The following MAD1L1 variants were observed in gnomAD, a reference collection of about 807,000 sequenced individuals.
MAD1L1 encodes the protein mitotic spindle assembly checkpoint protein MAD1.
MAD1L1 carries 95 observed loss-of-function variants against 96.9 expected under a neutral mutation model. That is an observed-to-expected ratio of 0.98 (90% CI 0.83 to 1.16). The LOEUF (loss-of-function observed/expected upper bound fraction) is 1.16, where lower values mean the gene tolerates loss of function less well. Among genes scored for constraint, MAD1L1 ranks in the 50% most tolerant of loss-of-function variants. The pLI, the probability that MAD1L1 is intolerant of heterozygous loss-of-function variation, is 0.00. For synonymous variants in MAD1L1, 473 were observed against 396.6 expected, an observed-to-expected ratio of 1.19 and a Z score of -2.29; for missense variants, 1,007 against 954.4, an observed-to-expected ratio of 1.06 and a Z score of -0.73.
At chr7:1,927,619 T>A (rs1377621418) in intron 17 of MAD1L1, among the ~76,000 whole-genome samples, 1 of 152,158 alleles carries the variant, frequency 6.6e-6, no homozygotes, top group Non-Finnish European at 1.5e-5. Flanking sequence ...AATGGCACAA[T>A]TGGACATCCA....
intron 17 of MAD1L1, among the ~76,000 whole-genome samples, chr7:1,924,361 C>G (rs986524967): frequency 2.6e-5 from 4 of 152,224 alleles, no homozygotes; most frequent in African/African-American, 9.6e-5. Flanking sequence ...TAAAACACCA[C>G]CACACTTGGA....
chr7:1,942,276 G>A (rs1200075686), intron 16 of MAD1L1, among the ~76,000 whole-genome samples: 2 of 152,180 alleles, frequency 1.3e-5, no homozygotes, highest in African/African-American at 4.8e-5. Context: ...GGCCCCTCCA[G>A]AAGGAGGCCA....
chr7:2,043,938 C>T (rs1282836859), intron 12 of MAD1L1, among the ~76,000 whole-genome samples: 2 of 152,204 alleles, frequency 1.3e-5, no homozygotes, highest in African/African-American at 2.4e-5. Context: ...GTGGCGGCCG[C>T]GGGCTCGGAC....
chr7:2,179,614 C>A (rs957358503), intron 10 of MAD1L1, among the ~76,000 whole-genome samples: 8 of 151,822 alleles, frequency 5.3e-5, no homozygotes, highest in African/African-American at 1.9e-4. Flanking sequence ...AAATACCATT[C>A]CCAAAGAAGA....
intron 18 of MAD1L1, among the ~76,000 whole-genome samples, chr7:1,856,965 A>AC (rs1411283960): frequency 1.3e-5 from 2 of 151,042 alleles, no homozygotes; most frequent in Non-Finnish European, 3.0e-5. Flanking sequence ...TGTTTCCTGG[A>AC]CCCCCCAGGA....
intron 18 of MAD1L1, among the ~76,000 whole-genome samples, chr7:1,817,295 A>T (rs1211316625): frequency 6.6e-6 from 1 of 152,146 alleles, no homozygotes; most frequent in Non-Finnish European, 1.5e-5. Context: ...CTGGACGCAG[A>T]GTCCATGGGC....
rs143519459 is a variant in MAD1L1 at position 1,887,144 on chromosome 7, T to TG, written c.1998+11055_1998+11056insC. Among the ~76,000 whole-genome samples the TG allele has an allele frequency of 9.5e-3, 1,450 of 152,340 alleles. 21 individuals are homozygous for TG. Among genetic ancestry groups the TG allele is most frequent in the African/African-American group, 0.033 (1,356 of 41,562 alleles). On this transcript the variant is annotated intron_variant, in intron 18 of 18. Coordinates refer to ENST00000265854, the MANE Select transcript of MAD1L1 (RefSeq NM_001013836.2). ...TGCTGCCTGACTTGCTTTCCCTGCC[T>TG]CCTCTGGATCCAGATCACAGAAGCA...
At chr7:2,226,133 A>C (rs1174283316) in intron 3 of MAD1L1, among the ~76,000 whole-genome samples, 1 of 152,220 alleles carries the variant, frequency 6.6e-6, no homozygotes, top group East Asian at 1.9e-4. Context: ...ACTCAGACTT[A>C]AAGGGCTCAG....
At chr7:1,902,396 C>A (rs1418558367) in intron 17 of MAD1L1, among the ~76,000 whole-genome samples, 1 of 152,204 alleles carries the variant, frequency 6.6e-6, no homozygotes, top group Non-Finnish European at 1.5e-5. Context: ...AGAGCCAGCA[C>A]ACAGCTGTGA....
chr7:2,128,806 C>A (rs1012758700), intron 11 of MAD1L1, among the ~76,000 whole-genome samples: 1 of 152,164 alleles, frequency 6.6e-6, no homozygotes, highest in Non-Finnish European at 1.5e-5. Flanking sequence ...CCCTCAAGCC[C>A]GTCAGGCCAC....
chr7:2,156,299 G>A (rs1789842944), intron 10 of MAD1L1, among the ~76,000 whole-genome samples: 1 of 152,054 alleles, frequency 6.6e-6, no homozygotes, highest in Non-Finnish European at 1.5e-5. Flanking sequence ...CGGCGCGTGT[G>A]GCGAGGGCAG....
intron 10 of MAD1L1, among the ~76,000 whole-genome samples, chr7:2,156,713 C>T (rs1421153543): frequency 1.3e-5 from 2 of 151,204 alleles, no homozygotes; most frequent in African/African-American, 2.4e-5. Flanking sequence ...CCCACCTACT[C>T]AGGAGGCTGA....
chr7:2,149,488 C>T (rs920774301), intron 10 of MAD1L1, among the ~76,000 whole-genome samples: 1 of 152,164 alleles, frequency 6.6e-6, no homozygotes, highest in Non-Finnish European at 1.5e-5. Context: ...CCTGTAGAAA[C>T]AGAGACACGA....
At chr7:2,138,411 C>T (rs901460464) in intron 11 of MAD1L1, among the ~76,000 whole-genome samples, 12 of 152,174 alleles carry the variant, frequency 7.9e-5, no homozygotes, top group African/African-American at 2.9e-4. Flanking sequence ...TCCTGAGAAC[C>T]ACGACGAGGT....
intron 10 of MAD1L1, among the ~76,000 whole-genome samples, chr7:2,166,024 G>T (rs760563278): frequency 7.2e-5 from 11 of 152,164 alleles, no homozygotes; most frequent in Non-Finnish European, 1.5e-4. Flanking sequence ...AGCTATTAGG[G>T]TCACTCATTA....
chr7:2,036,791 C>G (rs1006761756), intron 12 of MAD1L1, among the ~76,000 whole-genome samples: 2 of 152,174 alleles, frequency 1.3e-5, no homozygotes, highest in Admixed American at 6.5e-5. Flanking sequence ...GGAGCCCAAG[C>G]AGGTGTCGGA....
rs555176722 is a variant in MAD1L1, at chr7:2,106,337, C to T, written c.1074-36999G>A. On this transcript the variant is annotated intron_variant, in intron 11 of 18. Transcript: ENST00000265854. ...TCACTCACACTCCCCACTTCCCAGGCCCGGCCCCACCCTGCCCTTCCTTCT... is the reference window on the plus strand; with the variant it reads ...TCACTCACACTCCCCACTTCCCAGGTCCGGCCCCACCCTGCCCTTCCTTCT... 2.0e-5 allele frequency among the ~76,000 whole-genome samples: 3 copies of T among 151,932 alleles called. No homozygotes were observed. In the South Asian group the frequency reaches 6.2e-4, roughly 32 times the overall value.
At chr7:2,104,299 T>A (rs1423991830) in intron 11 of MAD1L1, among the ~76,000 whole-genome samples, 1 of 152,196 alleles carries the variant, frequency 6.6e-6, no homozygotes, top group African/African-American at 2.4e-5. Context: ...TGAAGGCAGA[T>A]GAGGCCCCGG....
chr7:2,213,127 C>T (rs541437448), intron 10 of MAD1L1, 85 bp downstream of exon 10: 28 of 1,418,112 alleles, frequency 2.0e-5, no homozygotes, highest in South Asian at 5.8e-5. Context: ...CTGGAGACTG[C>T]GCTGGTGAGC....
Sources: gnomAD v4.1 joint callset for allele counts (sites outside exome capture counted in the v4.1 genomes callset) on GRCh38, gnomAD v4.1.1 for gene constraint, MANE v1.5 for transcripts, NCBI Gene and HGNC (gene_info 2026-07-23, HGNC 2026-07-21) for gene names.